DPP10: variants seen among roughly 807,000 people sequenced by gnomAD.
DPP10 encodes inactive dipeptidyl peptidase 10.
DPP10 carries 33 observed loss-of-function variants against 120.9 expected under a neutral mutation model. That is an observed-to-expected ratio of 0.27 (90% CI 0.21 to 0.37). DPP10 has a LOEUF of 0.37. Ranked by LOEUF, DPP10 falls within the 10% of genes least tolerant of loss-of-function variation. The probability of loss-of-function intolerance (pLI) is 1.00; values close to 1 mark genes in which losing one functional copy is unlikely to be tolerated. For missense variants in DPP10, 816 were observed against 942.8 expected (o/e 0.87, Z 1.76); for synonymous variants, 337 against 326.1 (o/e 1.03, Z -0.36).
intron 1 of DPP10, among the ~76,000 whole-genome samples, chr2:114,524,195 GTGCT>G (rs1484270180): frequency 1.3e-5 from 2 of 152,214 alleles, no homozygotes; most frequent in Non-Finnish European, 2.9e-5. Context: ...GATGACATTT[GTGCT>G]TTAGCAATAA....
chr2:115,656,095 TATG>T (rs2088298816), intron 5 of DPP10, among the ~76,000 whole-genome samples: 1 of 150,894 alleles, frequency 6.6e-6, no homozygotes, highest in Admixed American at 6.6e-5. Context: ...CACTTTAAAA[TATG>T]ATAAGAGTAT....
intron 17 of DPP10, among the ~76,000 whole-genome samples, chr2:115,787,907 A>G (rs1402743153): frequency 1.3e-5 from 2 of 152,272 alleles, no homozygotes; most frequent in African/African-American, 4.8e-5. Context: ...AGCAAACTGG[A>G]AGACAATAGA....
In DPP10 at chr2:115,514,961, T is replaced by A. The variant is rs573683438; in HGVS notation, c.367-10937T>A. The stretch of plus-strand genomic sequence containing the variant: ...TAATATTCTATAATATATACATTTA[T>A]ATGTGTGTGTATGTGTATATGTAAG... On this transcript the variant is annotated intron_variant, in intron 4 of 25. Coordinates refer to ENST00000410059, the MANE Select transcript of DPP10 (RefSeq NM_020868.6). Among the ~76,000 whole-genome samples the A allele has an allele frequency of 8.0e-4, 121 of 151,990 alleles. 1 individual carries two copies. Among genetic ancestry groups the A allele is most frequent in the African/African-American group, 2.9e-3 (121 of 41,566 alleles).
At chr2:115,112,748 A>T (rs1409864367) in intron 1 of DPP10, among the ~76,000 whole-genome samples, 2 of 152,210 alleles carry the variant, frequency 1.3e-5, no homozygotes, top group Non-Finnish European at 2.9e-5. Context: ...ACAAAATTTC[A>T]GTTAGGGGAA....
At chr2:115,357,614 G>A (rs2064481857) in intron 3 of DPP10, among the ~76,000 whole-genome samples, 1 of 152,134 alleles carries the variant, frequency 6.6e-6, no homozygotes, top group African/African-American at 2.4e-5. Flanking sequence ...TCTAAGGTCT[G>A]GAGGATGGTG....
intron 1 of DPP10, among the ~76,000 whole-genome samples, chr2:114,475,486 C>G (rs1291144979): frequency 6.6e-6 from 1 of 151,796 alleles, no homozygotes; most frequent in Non-Finnish European, 1.5e-5. Context: ...TCTCTCTGCC[C>G]CTCTCTCTCT....
In DPP10 at chr2:115,766,286, A is replaced by ATGTGTGTGTGTGTG. The variant is rs34673352; in HGVS notation, c.1114-1999_1114-1986dup. Among the ~76,000 whole-genome samples, 128 of 70,188 alleles carry ATGTGTGTGTGTGTG rather than the reference A, an allele frequency of 1.8e-3. 7 individuals are homozygous for ATGTGTGTGTGTGTG. The highest frequency in any genetic ancestry group is 0.011 in the Middle Eastern group (1 of 92). The allele number at this position is 70,188 out of a possible 152,430, so 46.0% of individuals were successfully genotyped here. On this transcript the variant is annotated intron_variant, in intron 12 of 25. Coordinates refer to ENST00000410059, the MANE Select transcript of DPP10 (RefSeq NM_020868.6). ...ATGAACAAAAATACTCATTATATAT[A>ATGTGTGTGTGTGTG]TGTGTGTGTGTGTGTGTGTGTGTGT...
At chr2:115,058,961 C>T (rs889162487) in intron 1 of DPP10, among the ~76,000 whole-genome samples, 1 of 152,116 alleles carries the variant, frequency 6.6e-6, no homozygotes, top group Non-Finnish European at 1.5e-5. Flanking sequence ...CATTATAAAA[C>T]GCAGATCTCT....
intron 1 of DPP10, among the ~76,000 whole-genome samples, chr2:114,678,532 A>G (rs1351998076): frequency 6.6e-6 from 1 of 151,862 alleles, no homozygotes; most frequent in Non-Finnish European, 1.5e-5. Context: ...GTCTCTTTTT[A>G]TTCTCCCTCT....
intron 5 of DPP10, among the ~76,000 whole-genome samples, chr2:115,655,787 T>G (rs566081057): frequency 6.6e-6 from 1 of 151,712 alleles, no homozygotes; most frequent in East Asian, 1.9e-4. Context: ...TTTTGAAGAA[T>G]TATCATATTA....
intron 1 of DPP10, among the ~76,000 whole-genome samples, chr2:114,898,790 A>C (rs1191292591): frequency 6.6e-6 from 1 of 152,234 alleles, no homozygotes; most frequent in Admixed American, 6.5e-5. Context: ...TTCTCCAGAT[A>C]CATGGTATCA....
chr2:114,777,984 C>T (rs2106181043), intron 1 of DPP10, among the ~76,000 whole-genome samples: 1 of 152,108 alleles, frequency 6.6e-6, no homozygotes, highest in East Asian at 1.9e-4. Flanking sequence ...TTGAATTTGT[C>T]GTGTCTTTCA....
rs181762305 is a variant in DPP10 at position 115,137,289 on chromosome 2, C to T, written c.61-171950C>T. On this transcript the variant is annotated intron_variant, in intron 1 of 25. Coordinates refer to ENST00000410059, the MANE Select transcript of DPP10 (RefSeq NM_020868.6). The stretch of plus-strand genomic sequence containing the variant: ...AGAGTGCAAGAAAAGAATCCCAGCC[C>T]TGGCCAGTGATTTGATTTGCTCTAG... 1.4e-3 allele frequency among the ~76,000 whole-genome samples: 206 copies of T among 152,288 alleles called. 2 individuals are homozygous for T. Among genetic ancestry groups the T allele is most frequent in the African/African-American group, 4.7e-3 (194 of 41,566 alleles).
intron 1 of DPP10, among the ~76,000 whole-genome samples, chr2:114,516,300 A>C (rs1309790351): frequency 6.6e-6 from 1 of 152,164 alleles, no homozygotes; most frequent in Non-Finnish European, 1.5e-5. Context: ...GAAAGGTTTG[A>C]ATTTAATCTC....
intron 1 of DPP10, among the ~76,000 whole-genome samples, chr2:115,305,041 G>A (rs1403935435): frequency 6.6e-6 from 1 of 152,036 alleles, no homozygotes; most frequent in Non-Finnish European, 1.5e-5. Context: ...AATATGATCT[G>A]ACGTTGAACA....
At chr2:114,670,233 T>C (rs911814840) in intron 1 of DPP10, among the ~76,000 whole-genome samples, 2 of 152,214 alleles carry the variant, frequency 1.3e-5, no homozygotes, top group African/African-American at 2.4e-5. Context: ...ATGTTTATTG[T>C]GGCACTATTC....
intron 3 of DPP10, among the ~76,000 whole-genome samples, chr2:115,385,120 A>C (rs2066821540): frequency 6.6e-6 from 1 of 152,026 alleles, no homozygotes; most frequent in Admixed American, 6.6e-5. Flanking sequence ...TGTTCTCCCC[A>C]TTCTCAGTTA....
At chr2:114,840,019 C>A (rs1056014802) in intron 1 of DPP10, among the ~76,000 whole-genome samples, 3 of 152,118 alleles carry the variant, frequency 2.0e-5, no homozygotes, top group African/African-American at 7.2e-5. Context: ...TTTCCAGGTT[C>A]ATGTAAAGCT....
intron 3 of DPP10, among the ~76,000 whole-genome samples, chr2:115,488,649 A>T (rs1429555747): frequency 9.9e-6 from 1 of 101,142 alleles, no homozygotes; most frequent in African/African-American, 3.8e-5. Context: ...CAAACACCGC[A>T]TATTCTCACT....
Sources: gnomAD v4.1 joint callset for allele counts (sites outside exome capture counted in the v4.1 genomes callset) on GRCh38, gnomAD v4.1.1 for gene constraint, MANE v1.5 for transcripts, NCBI Gene and HGNC (gene_info 2026-07-23, HGNC 2026-07-21) for gene names.